Variants in NEIL3 observed in about 807,000 individuals in gnomAD.
The protein encoded by NEIL3 is endonuclease 8-like 3.
NEIL3 carries 48 observed loss-of-function variants against 57.5 expected under a neutral mutation model. The ratio of observed to expected loss-of-function variants is 0.83; its 90% CI spans 0.66 to 1.06. The LOEUF is 1.06. NEIL3 is among the 50% of genes least tolerant of loss of function. NEIL3 has a pLI of 0.00. For missense variants in NEIL3, 717 were observed against 739.1 expected (o/e 0.97, Z 0.35); for synonymous variants, 261 against 253.2 (o/e 1.03, Z -0.29).
At chr4:177,314,207 T>C (rs929504962) in intron 1 of NEIL3, among the ~76,000 whole-genome samples, 3 of 152,184 alleles carry the variant, frequency 2.0e-5, no homozygotes, top group African/African-American at 7.2e-5. Context: ...ATCATCATTA[T>C]TGGTATCCAG....
At chr4:177,367,999 C>T in the NEIL3 span, among the ~76,000 whole-genome samples, 1 of 152,182 alleles carries the variant, frequency 6.6e-6, no homozygotes, top group Non-Finnish European at 1.5e-5. Context: ...GTCTGTGTCA[C>T]ACAAGCCATG....
intron 4 of NEIL3, among the ~76,000 whole-genome samples, chr4:177,339,168 C>T (rs1044791819): frequency 2.6e-5 from 4 of 152,190 alleles, no homozygotes; most frequent in African/African-American, 4.8e-5. Flanking sequence ...TCTTCAAAAA[C>T]GTAACTACTA....
At chr4:177,363,233 T>A (rs1048187408), downstream of NEIL3, among the ~76,000 whole-genome samples, 3 of 151,974 alleles carry the variant, frequency 2.0e-5, no homozygotes, top group African/African-American at 7.3e-5. Flanking sequence ...TGTATGCTTG[T>A]AAAAAAAAGT....
At position 177,353,570 on chromosome 4, in the gene NEIL3, G is replaced by A. The variant is rs936299518; in HGVS notation, c.1302G>A (p.Lys434=). ...TGAATGATATACAGCACCCCTCCAA[G>A]AAGACAACAAACGATATAACTCAAC... ...VCLNDIQHPS[K]KTTNDITQPS... The change falls in exon 8 of 10, where the codon AAG becomes AAA. Residue 434 remains lysine (K), a synonymous_variant. Transcript: ENST00000264596. 27 of 1,612,676 alleles carry A rather than the reference G, an allele frequency of 1.7e-5. No homozygotes were observed. Among genetic ancestry groups the A allele is most frequent in the Middle Eastern group, 1.6e-4 (1 of 6,084 alleles).
Position 177,353,551 on chromosome 4 carries a change from A to T in NEIL3, c.1283A>T (p.Asp428Val). The change falls in exon 8 of 10, where the codon GAT becomes GTT. Residue 428 changes from aspartate (D) to valine (V), a missense_variant. Physicochemically the swap from Asp to Val is radical, Grantham distance 152. Transcript: ENST00000264596. ...CCTCCTGCTAGTGTTTGTTTGAATG[A>T]TATACAGCACCCCTCCAAGAAGACA... ...NSPPASVCLN[D>V]IQHPSKKTTN... is the part of the protein sequence containing the mutation. 1 of 1,613,520 alleles carries T rather than the reference A, an allele frequency of 6.2e-7. No homozygotes were observed. Among genetic ancestry groups the T allele is most frequent in the East Asian group, 2.2e-5 (1 of 44,852 alleles).
intron 9 of NEIL3, 132 bp downstream of exon 9, chr4:177,360,809 C>A: frequency 1.5e-6 from 1 of 646,268 alleles, no homozygotes; most frequent in Non-Finnish European, 2.4e-6. Flanking sequence ...GGCATTCAGT[C>A]TAAAGCTTGA....
chr4:177,329,988 T>A (rs1459071023), intron 2 of NEIL3, among the ~76,000 whole-genome samples: 1 of 152,180 alleles, frequency 6.6e-6, no homozygotes. Context: ...CTCTGCTCAT[T>A]GCAGCCTCTA....
At chr4:177,312,620 C>G (rs1339912860) in intron 1 of NEIL3, among the ~76,000 whole-genome samples, 1 of 152,102 alleles carries the variant, frequency 6.6e-6, no homozygotes, top group Non-Finnish European at 1.5e-5. Context: ...TTATTAACAT[C>G]ACTTGGCAGC....
At chr4:177,348,704 G>C (rs1192063790) in intron 6 of NEIL3, among the ~76,000 whole-genome samples, 1 of 152,020 alleles carries the variant, frequency 6.6e-6, no homozygotes, top group African/African-American at 2.4e-5. Flanking sequence ...ATCTGCAGCA[G>C]ATCCCACGGG....
Position 177,351,519 on chromosome 4 carries a change from T to C in NEIL3, c.1009T>C (p.Cys337Arg). The change falls in exon 7 of 10, where the codon TGT becomes CGT. Residue 337 changes from cysteine to arginine, a missense_variant. Physicochemically the swap from Cys to Arg is radical, Grantham distance 180. Coordinates refer to ENST00000264596, the MANE Select transcript of NEIL3 (RefSeq NM_018248.3). ...TLINKPSSKA[C>R]DACLTSRPID... is the part of the protein sequence containing the mutation. Reference sequence around the variant, plus strand: ...AATCAATAAGCCCTCTTCTAAGGCATGTGATGCTTGCTTGACCTCAAGGCC... The same window carrying C: ...AATCAATAAGCCCTCTTCTAAGGCACGTGATGCTTGCTTGACCTCAAGGCC... The C allele has an allele frequency of 6.2e-7, 1 of 1,613,654 alleles. No homozygotes were observed. Among genetic ancestry groups the C allele is most frequent in the South Asian group, 1.1e-5 (1 of 90,916 alleles).
intron 1 of NEIL3, among the ~76,000 whole-genome samples, chr4:177,315,024 G>C (rs1008870240): frequency 3.4e-5 from 5 of 146,840 alleles, no homozygotes; most frequent in Non-Finnish European, 5.9e-5. Context: ...AGCCGAGATC[G>C]CGCCACTGCA....
rs997603508 is a variant in NEIL3, at chr4:177,353,403, A to C, written c.1135A>C (p.Ile379Leu). ...TGGAAAACCTCATACAGAAGTCAAG[A>C]TCAACAGAAAAACTGCATTTGGAAC... ...TFGKPHTEVK[I>L]NRKTAFGTTT... Residue 379 changes from isoleucine to leucine, a missense_variant, in exon 8 of 10, where the codon ATC (isoleucine) becomes CTC (leucine). Ile to Leu is a conservative substitution (Grantham distance 5, BLOSUM62 2). Transcript: ENST00000264596. The C allele has an allele frequency of 1.9e-6, 3 of 1,613,738 alleles. No individual in the cohort carries two copies. Among genetic ancestry groups the C allele is most frequent in the Non-Finnish European group, 1.7e-6 (2 of 1,179,836 alleles).
In NEIL3 at chr4:177,316,559, T is replaced by G. The variant is rs376120654; in HGVS notation, c.157-5900T>G. The stretch of plus-strand genomic sequence containing the variant: ...AAGTAGATGGTAGAGTAGAAGATTT[T>G]GCCAAGATATCTTGGGAAGAGTCAA... On this transcript the variant is annotated intron_variant, in intron 1 of 9. Coordinates refer to ENST00000264596, the MANE Select transcript of NEIL3 (RefSeq NM_018248.3). 6.6e-5 allele frequency among the ~76,000 whole-genome samples: 10 copies of G among 152,210 alleles called. No individual in the cohort carries two copies. In the East Asian group the frequency reaches 1.4e-3, roughly 21 times the overall value.
intron 1 of NEIL3, among the ~76,000 whole-genome samples, chr4:177,312,882 T>G (rs540325611): frequency 5.9e-5 from 9 of 152,258 alleles, no homozygotes; most frequent in Non-Finnish European, 1.0e-4. Flanking sequence ...AAAACATAAT[T>G]ATAACCTTTT....
chr4:177,363,897 T>C (rs1735655907), downstream of NEIL3, among the ~76,000 whole-genome samples: 1 of 152,122 alleles, frequency 6.6e-6, no homozygotes, highest in Admixed American at 6.6e-5. Context: ...AATACAGGTG[T>C]GTGCCAGCAC....
intron 5 of NEIL3, among the ~76,000 whole-genome samples, chr4:177,340,687 G>A (rs985404905): frequency 1.3e-5 from 2 of 152,042 alleles, no homozygotes; most frequent in Admixed American, 6.6e-5. Context: ...ATTAAATTGG[G>A]TCTTTCAATA....
intron 1 of NEIL3, among the ~76,000 whole-genome samples, chr4:177,312,254 T>A (rs1183655218): frequency 6.6e-6 from 1 of 152,158 alleles, no homozygotes; most frequent in African/African-American, 2.4e-5. Flanking sequence ...ACATGTCTAG[T>A]AAGGGGCTAA....
At chr4:177,330,378 G>GT (rs1257121650) in intron 2 of NEIL3, among the ~76,000 whole-genome samples, 1 of 151,950 alleles carries the variant, frequency 6.6e-6, no homozygotes, top group Non-Finnish European at 1.5e-5. Flanking sequence ...GGCATTAAAT[G>GT]TTTTTTATAA....
chr4:177,352,734 G>T (rs542101540), intron 7 of NEIL3, among the ~76,000 whole-genome samples: 1 of 152,050 alleles, frequency 6.6e-6, no homozygotes, highest in South Asian at 2.1e-4. Context: ...GGAGTTTGAG[G>T]CAGGAGAATG....
Sources: allele counts gnomAD v4.1 joint callset (sites outside exome capture counted in the v4.1 genomes callset), GRCh38; gene constraint gnomAD v4.1.1; transcripts MANE v1.5; gene names NCBI Gene and HGNC (gene_info 2026-07-23, HGNC 2026-07-21).